ANK1: variants seen among roughly 807,000 people sequenced by gnomAD.
ANK1 encodes the protein ankyrin-1.
In ANK1, 51 loss-of-function variants were observed where a neutral mutation model predicts 210.4. The ratio of observed to expected loss-of-function variants is 0.24; its 90% CI spans 0.19 to 0.31. The LOEUF (loss-of-function observed/expected upper bound fraction) is 0.31. Ranked by LOEUF, ANK1 falls within the 10% of genes least tolerant of loss-of-function variation. The pLI is 1.00. For missense variants in ANK1, 2,051 were observed against 2,504.4 expected (o/e 0.82, Z 3.86); for synonymous variants, 967 against 1,025.9 (o/e 0.94, Z 1.10).
chr8:41,661,417 A>C lies in ANK1; in HGVS notation c.*36+13T>G, dbSNP rs1452524273. On this transcript the variant is annotated intron_variant, in intron 42 of 42. Coordinates refer to ENST00000289734, the MANE Select transcript of ANK1 (RefSeq NM_000037.4). ...ACCAGGCCATGCAGAGGGGATGAGA[A>C]GGGCAGCGTTACCTCCCGAGAGGCT... The C allele has an allele frequency of 6.2e-7, 1 of 1,613,720 alleles. No homozygotes were observed. Among genetic ancestry groups the C allele is most frequent in the South Asian group, 1.1e-5 (1 of 91,054 alleles).
rs1818218273 is a variant in ANK1, at chr8:41,688,153, C to A, written c.4258+3G>T. ...GCTTTTCTGCCCCCAATTCCCCACTCACCTGCCCAGCTGAGACCGAGGTGC... is the reference window on the plus strand; with the variant it reads ...GCTTTTCTGCCCCCAATTCCCCACTAACCTGCCCAGCTGAGACCGAGGTGC... On this transcript the variant is annotated splice_donor_region_variant and intron_variant, in intron 35 of 42. Coordinates refer to ENST00000289734, the MANE Select transcript of ANK1 (RefSeq NM_000037.4). The A allele has an allele frequency of 1.9e-6, 3 of 1,614,102 alleles. No individual in the cohort carries two copies. In the African/African-American group the frequency reaches 4.0e-5, roughly 22 times the overall value.
intron 36 of ANK1, among the ~76,000 whole-genome samples, chr8:41,685,215 C>T (rs964204239): frequency 2.6e-5 from 4 of 152,228 alleles, no homozygotes; most frequent in Admixed American, 2.6e-4. Flanking sequence ...AGGCATGAGC[C>T]ACCGTGCCCA....
intron 37 of ANK1, among the ~76,000 whole-genome samples, chr8:41,679,326 G>A (rs1370982645): frequency 6.6e-6 from 1 of 152,092 alleles, no homozygotes; most frequent in African/African-American, 2.4e-5. Context: ...TTTGCATTTT[G>A]CTTTCAAATT....
chr8:41,848,109 T>A (rs779915012), intron 1 of ANK1, among the ~76,000 whole-genome samples: 10 of 151,866 alleles, frequency 6.6e-5, no homozygotes, highest in South Asian at 4.2e-4. Flanking sequence ...CACTTGAACC[T>A]GGAAGGTGGA....
rs1825442455 is a variant in ANK1 at position 41,708,993 on chromosome 8, GC to G, written c.1801-19del. 6.2e-7 allele frequency: 1 copy of G among 1,613,206 alleles called. No individual in the cohort carries two copies. On this transcript the variant is annotated intron_variant, in intron 16 of 42. Coordinates refer to ENST00000289734, the MANE Select transcript of ANK1 (RefSeq NM_000037.4). ...TAGCCATTCTGAAACAGAAGAAGCC[GC>G]CCAGAGCCTGGTTACAGGAATGCTG...
intron 2 of ANK1, among the ~76,000 whole-genome samples, chr8:41,747,764 G>C (rs535999839): frequency 6.6e-6 from 1 of 152,090 alleles, no homozygotes; most frequent in Non-Finnish European, 1.5e-5. Context: ...ACTACATTCC[G>C]GATCGTTCCT....
intron 1 of ANK1, among the ~76,000 whole-genome samples, chr8:41,882,077 C>A (rs1340073938): frequency 6.6e-6 from 1 of 152,012 alleles, no homozygotes; most frequent in Non-Finnish European, 1.5e-5. Context: ...TTGAAGGCTT[C>A]CCCCCGCCTC....
chr8:41,846,684 A>T (rs549895606), intron 1 of ANK1, among the ~76,000 whole-genome samples: 1 of 152,326 alleles, frequency 6.6e-6, no homozygotes, highest in Admixed American at 6.5e-5. Flanking sequence ...TCCGTGCCTT[A>T]TCCATGGATT....
chr8:41,809,135 G>A (rs946683176), intron 1 of ANK1, among the ~76,000 whole-genome samples: 3 of 152,290 alleles, frequency 2.0e-5, no homozygotes, highest in Non-Finnish European at 4.4e-5. Flanking sequence ...CTGGGGAGTC[G>A]TTCTTAATCT....
intron 1 of ANK1, among the ~76,000 whole-genome samples, chr8:41,784,156 T>C (rs1302081462): frequency 1.3e-5 from 2 of 152,044 alleles, no homozygotes; most frequent in Non-Finnish European, 2.9e-5. Context: ...ACTCTTTATT[T>C]CCCCCACATA....
In ANK1 at chr8:41,708,864, G is replaced by A. The variant is rs781351671; in HGVS notation, c.1912C>T (p.Pro638Ser). The A allele has an allele frequency of 6.2e-7, 1 of 1,614,088 alleles. No individual in the cohort carries two copies. Among genetic ancestry groups the A allele is most frequent in the Non-Finnish European group, 8.5e-7 (1 of 1,180,036 alleles). ...ANAESVQGVT[P>S]LHLAAQEGHA... The stretch of plus-strand genomic sequence containing the variant: ...CCCTCCTGGGCGGCCAGGTGAAGGG[G>A]CGTCACACCTTGCACCGACTCGGCG... Residue 638 changes from proline (P) to serine (S), a missense_variant, in exon 17 of 43, where the codon CCC becomes TCC. Around this residue, in one of 6 missense-constraint regions of ANK1, gnomAD observed 1,413 missense variants for 1,707.4 expected, o/e 0.83. Coordinates refer to ENST00000289734, the MANE Select transcript of ANK1 (RefSeq NM_000037.4).
chr8:41,828,219 AG>A (rs1396818759), intron 1 of ANK1: 1 of 152,548 alleles, frequency 6.6e-6, no homozygotes, highest in Non-Finnish European at 1.5e-5. Context: ...AGGAGGAAGC[AG>A]GAACACCCAG....
At chr8:41,836,849 G>A (rs111788715) in intron 1 of ANK1, among the ~76,000 whole-genome samples, 2,699 of 152,060 alleles carry the variant, frequency 0.018, 31 homozygotes, top group East Asian at 0.028. Context: ...GAGCCCAGGA[G>A]TGGAAGGCTG....
At chr8:41,720,117 A>G (rs569213107) in intron 9 of ANK1, among the ~76,000 whole-genome samples, 7 of 151,722 alleles carry the variant, frequency 4.6e-5, no homozygotes, top group Admixed American at 3.9e-4. Flanking sequence ...ACCACTCTAG[A>G]CTCCTGTGGG....
chr8:41,864,247 C>CT (rs1813866783), intron 1 of ANK1, among the ~76,000 whole-genome samples: 1 of 111,514 alleles, frequency 9.0e-6, no homozygotes, highest in Non-Finnish European at 1.8e-5. Context: ...GAGACTCTGT[C>CT]TCAAAAAAAA....
In ANK1 at chr8:41,689,335, C is replaced by T. The variant is rs1412927849; in HGVS notation, c.4105-746G>A. Among the ~76,000 whole-genome samples, 6 of 149,924 alleles carry T rather than the reference C, an allele frequency of 4.0e-5. No individual in the cohort carries two copies. In the East Asian group the frequency reaches 1.2e-3, roughly 29 times the overall value. ...GTACAGACAGGATCTCACTATGTTG[C>T]CCAGGCTAGTCTTGAACTCCTGGGC... On this transcript the variant is annotated intron_variant, in intron 33 of 42. Transcript: ENST00000289734.
intron 2 of ANK1, among the ~76,000 whole-genome samples, chr8:41,737,052 C>A (rs988448013): frequency 1.6e-4 from 25 of 152,200 alleles, no homozygotes; most frequent in Non-Finnish European, 3.5e-4. Context: ...GTAATCCCAG[C>A]ACTTTGGGAA....
intron 38 of ANK1, among the ~76,000 whole-genome samples, chr8:41,671,087 C>T (rs1408037882): frequency 1.3e-5 from 2 of 152,228 alleles, no homozygotes; most frequent in Non-Finnish European, 2.9e-5. Flanking sequence ...GTGAGCCGGT[C>T]CTCGGCCGCA....
intron 1 of ANK1, among the ~76,000 whole-genome samples, chr8:41,854,503 T>G (rs1171465354): frequency 1.3e-5 from 2 of 152,154 alleles, no homozygotes; most frequent in Non-Finnish European, 2.9e-5. Flanking sequence ...CTAAAGCACC[T>G]TCACGTGCTT....
Sources: gnomAD v4.1 joint callset for allele counts (sites outside exome capture counted in the v4.1 genomes callset) on GRCh38, gnomAD v4.1.1 for gene constraint, gnomAD v4.1.1 regional missense constraint, MANE v1.5 for transcripts, NCBI Gene and HGNC (gene_info 2026-07-23, HGNC 2026-07-21) for gene names.